Variants in GARNL3 observed in about 807,000 individuals in gnomAD.
GARNL3 encodes GTPase-activating Rap/Ran-GAP domain-like protein 3.
GARNL3 carries 63 observed loss-of-function variants against 125.0 expected under a neutral mutation model. The ratio of observed to expected loss-of-function variants is 0.50; its 90% CI spans 0.41 to 0.62. The LOEUF (loss-of-function observed/expected upper bound fraction) is 0.62, where lower values mean the gene tolerates loss of function less well. Among genes scored for constraint, GARNL3 ranks in the 20% least tolerant of loss-of-function variants. GARNL3 has a pLI of 0.00. For missense variants in GARNL3, 994 were observed against 1,244.0 expected, an observed-to-expected ratio of 0.80 and a Z score of 3.02; for synonymous variants, 439 against 457.5, an observed-to-expected ratio of 0.96 and a Z score of 0.52.
chr9:127,265,051 T>C, intron 1 of GARNL3, 30 bp downstream of exon 1: 1 of 1,582,476 alleles, frequency 6.3e-7, no homozygotes, highest in Non-Finnish European at 8.6e-7. Flanking sequence ...TCAGTGGTAG[T>C]ACATTGATTT....
In GARNL3 at chr9:127,342,435, G is replaced by C. The variant is rs977395880; in HGVS notation, c.1251+101G>C. 5.9e-5 allele frequency: 46 copies of C among 781,000 alleles called. No homozygotes were observed. In the African/African-American group the frequency reaches 7.1e-4, roughly 12 times the overall value. 48.4% of individuals were successfully genotyped at this position (781,000 alleles called of 1,614,324 possible). A position where few individuals can be genotyped will look rare whatever the true frequency, so the allele number is the denominator to read the frequency against. ...AGGCCCTGGTGAGAAAAGCGTAGGA[G>C]GCGCCTTGATCCTTGCTGTCAGGAC... On this transcript the variant is annotated intron_variant, in intron 14 of 27. Transcript: ENST00000373387.
chr9:127,318,692 A>C (rs2065308536), intron 5 of GARNL3, among the ~76,000 whole-genome samples: 1 of 149,194 alleles, frequency 6.7e-6, no homozygotes. Flanking sequence ...TCTCTCTCCC[A>C]TGCTTAGGTG....
intron 1 of GARNL3, among the ~76,000 whole-genome samples, chr9:127,274,182 C>G (rs2131303807): frequency 6.6e-6 from 1 of 152,260 alleles, no homozygotes; most frequent in Admixed American, 6.5e-5. Context: ...TCCTCCCTAC[C>G]CTACTTTTTG....
chr9:127,297,378 A>G (rs1268268035), intron 2 of GARNL3, among the ~76,000 whole-genome samples: 25 of 152,170 alleles, frequency 1.6e-4, no homozygotes. Flanking sequence ...GGCTCAAGTA[A>G]TTCGCCCACC....
intron 1 of GARNL3, among the ~76,000 whole-genome samples, chr9:127,227,465 G>C: frequency 6.6e-6 from 1 of 152,216 alleles, no homozygotes; most frequent in East Asian, 1.9e-4. Flanking sequence ...GCCGGTTGTG[G>C]TGGTAGGCGC....
At chr9:127,320,846 T>G in intron 6 of GARNL3, 68 bp downstream of exon 6, 1 of 1,060,688 alleles carries the variant, frequency 9.4e-7, no homozygotes, top group Non-Finnish European at 1.4e-6. Flanking sequence ...AACTGACAGG[T>G]CATCATAATC....
intron 1 of GARNL3, among the ~76,000 whole-genome samples, chr9:127,229,345 A>G (rs951052262): frequency 1.3e-5 from 2 of 152,186 alleles, no homozygotes; most frequent in Non-Finnish European, 2.9e-5. Flanking sequence ...CAGAAAGTTC[A>G]GGGTGGCACT....
At chr9:127,321,019 G>T (rs2065382044) in intron 6 of GARNL3, among the ~76,000 whole-genome samples, 1 of 152,196 alleles carries the variant, frequency 6.6e-6, no homozygotes, top group South Asian at 2.1e-4. Flanking sequence ...CCACTCCTGA[G>T]AACCGCAGAA....
intron 21 of GARNL3, among the ~76,000 whole-genome samples, chr9:127,359,122 G>A (rs1463250513): frequency 6.6e-6 from 1 of 152,022 alleles, no homozygotes; most frequent in African/African-American, 2.4e-5. Flanking sequence ...CCACTGCCTG[G>A]GCATCCCTGG....
At chr9:127,379,092 A>T (rs1832104579) in intron 22 of GARNL3, among the ~76,000 whole-genome samples, 1 of 152,126 alleles carries the variant, frequency 6.6e-6, no homozygotes, top group African/African-American at 2.4e-5. Context: ...GTGATTTATT[A>T]ATCAGGCAGC....
At chr9:127,323,904 T>C (rs770760033) in intron 6 of GARNL3, among the ~76,000 whole-genome samples, 7 of 152,166 alleles carry the variant, frequency 4.6e-5, no homozygotes, top group Non-Finnish European at 1.0e-4. Context: ...CATGCAAACA[T>C]AATGTCCCAA....
intron 1 of GARNL3, among the ~76,000 whole-genome samples, chr9:127,278,008 A>T (rs2064001898): frequency 6.6e-6 from 1 of 152,208 alleles, no homozygotes; most frequent in Non-Finnish European, 1.5e-5. Flanking sequence ...CAGCTAGAAG[A>T]TGAGTTTTGC....
chr9:127,348,523 T>G (rs568619148), intron 16 of GARNL3, among the ~76,000 whole-genome samples: 1 of 152,316 alleles, frequency 6.6e-6, no homozygotes, highest in East Asian at 1.9e-4. Context: ...GGAATCTGAC[T>G]TTTTTATAGA....
At chr9:127,302,737 C>T (rs35884883) in intron 2 of GARNL3, among the ~76,000 whole-genome samples, 346 of 152,226 alleles carry the variant, frequency 2.3e-3, no homozygotes, top group Non-Finnish European at 3.4e-3. Flanking sequence ...ACTTGATGCC[C>T]TCATATACTG....
chr9:127,320,882 C>A, intron 6 of GARNL3, 104 bp downstream of exon 6: 1 of 742,250 alleles, frequency 1.3e-6, no homozygotes, highest in Non-Finnish European at 2.3e-6. Flanking sequence ...AAAGCCAAAT[C>A]ACCTATGCAA....
chr9:127,357,609 G>T (rs561650819), intron 21 of GARNL3, among the ~76,000 whole-genome samples: 99 of 152,176 alleles, frequency 6.5e-4, no homozygotes, highest in Non-Finnish European at 1.1e-3. Flanking sequence ...TTAGTTTTCA[G>T]ATCTTTCCTT....
rs183217128 is a variant in GARNL3, at chr9:127,384,054, G to C, written c.2269+509G>C. On this transcript the variant is annotated intron_variant, in intron 23 of 27. Transcript: ENST00000373387. This position sits in a 1 kb window ranked among gnomAD's most constrained non-coding sequence, Gnocchi z 4.0. ...CACAACTGGCCATTGCCTTTTGGAA[G>C]TCAGATCAGAGCCAAGAATGTTCCA... Among the ~76,000 whole-genome samples, 1 of 152,218 alleles carries C rather than the reference G, an allele frequency of 6.6e-6. No individual in the cohort carries two copies. Among genetic ancestry groups the C allele is most frequent in the Non-Finnish European group, 1.5e-5 (1 of 68,038 alleles).
intron 18 of GARNL3, 29 bp from the exon 19 acceptor site, chr9:127,354,265 C>A (rs1422134526): frequency 1.9e-6 from 3 of 1,550,714 alleles, no homozygotes; most frequent in African/African-American, 2.7e-5. Context: ...TCCATTTAAT[C>A]TCCTCCTCTG....
At chr9:127,378,767 T>G (rs193098413) in intron 22 of GARNL3, among the ~76,000 whole-genome samples, 1 of 151,992 alleles carries the variant, frequency 6.6e-6, no homozygotes, top group African/African-American at 2.4e-5. Flanking sequence ...TATATATTTT[T>G]TGTTTGTTTG....
Sources: allele counts gnomAD v4.1 joint callset (sites outside exome capture counted in the v4.1 genomes callset), GRCh38; gene constraint gnomAD v4.1.1; non-coding constraint Gnocchi (gnomAD v3.1); transcripts MANE v1.5; gene names NCBI Gene and HGNC (gene_info 2026-07-23, HGNC 2026-07-21).